The following ANKRD44 variants were observed in gnomAD, a reference collection of about 807,000 sequenced individuals.
ANKRD44 encodes the protein serine/threonine-protein phosphatase 6 regulatory ankyrin repeat subunit B.
A neutral mutation model predicts 116.0 loss-of-function variants in ANKRD44; 35 were observed. The ratio of observed to expected loss-of-function variants is 0.30; its 90% CI spans 0.23 to 0.40. The LOEUF is 0.40. ANKRD44 is among the 10% of genes least tolerant of loss of function. The pLI is 1.00. For missense variants in ANKRD44, 1,014 were observed against 1,242.6 expected (o/e 0.82, Z 2.77); for synonymous variants, 435 against 461.8 (o/e 0.94, Z 0.74).
chr2:197,038,404 C>G (rs1259495682), intron 16 of ANKRD44, among the ~76,000 whole-genome samples: 1 of 152,124 alleles, frequency 6.6e-6, no homozygotes, highest in Non-Finnish European at 1.5e-5. Context: ...AATAAACAAA[C>G]CTGACCTTTC....
At position 197,122,493 on chromosome 2, in the gene ANKRD44, C is replaced by A. The variant is rs550062467; in HGVS notation, c.693+157G>T. 1.3e-4 allele frequency among the ~76,000 whole-genome samples: 20 copies of A among 152,314 alleles called. No homozygotes were observed. The South Asian group carries it at 4.1e-3, about 32-fold the overall frequency. On this transcript the variant is annotated intron_variant, in intron 7 of 27. Transcript: ENST00000282272. ...TTCCTCTGCTTAGTGTATGCCCCCA[C>A]TGCCCTTCATCAGTTGCCCACAAAA...
chr2:197,300,375 A>C (rs138705879), intron 1 of ANKRD44, among the ~76,000 whole-genome samples: 167 of 152,300 alleles, frequency 1.1e-3, no homozygotes, highest in African/African-American at 3.8e-3. Context: ...TGCTGCCTGA[A>C]TCATTCCCTT....
In ANKRD44 at chr2:197,059,124, G is replaced by A. The variant is rs550303553; in HGVS notation, c.1650+19579C>T. Among the ~76,000 whole-genome samples, 4 of 152,210 alleles carry A rather than the reference G, an allele frequency of 2.6e-5. No homozygotes were observed. The East Asian group carries it at 5.8e-4, about 22-fold the overall frequency. The stretch of plus-strand genomic sequence containing the variant: ...GCTCAAGGTAAAATTTATTTGCCTA[G>A]GGCCAGAGAGAGTAGAGGGGTAGGG... On this transcript the variant is annotated intron_variant, in intron 16 of 27. Transcript: ENST00000282272.
chr2:197,158,151 A>T (rs1274175842), intron 2 of ANKRD44, among the ~76,000 whole-genome samples: 1 of 152,202 alleles, frequency 6.6e-6, no homozygotes, highest in Non-Finnish European at 1.5e-5. Context: ...CAAGATAATC[A>T]TCAGGAGCTT....
At chr2:197,120,450 G>A (rs2078825591) in intron 8 of ANKRD44, among the ~76,000 whole-genome samples, 1 of 152,258 alleles carries the variant, frequency 6.6e-6, no homozygotes, top group East Asian at 1.9e-4. Flanking sequence ...AAGAGTTTGA[G>A]ACCAGCCTGG....
At position 197,196,598 on chromosome 2, in the gene ANKRD44, T is replaced by A. The variant is rs148227579; in HGVS notation, c.28-9492A>T. ...CAGCATGTAGAAATGAAAGGTACTC[T>A]CAGAAAGGTGGCAATCTCCTGCTAC... On this transcript the variant is annotated intron_variant, in intron 1 of 27. Coordinates refer to ENST00000282272, the MANE Select transcript of ANKRD44 (RefSeq NM_001195144.2). 2.0e-3 allele frequency among the ~76,000 whole-genome samples: 298 copies of A among 152,294 alleles called. 2 individuals carry two copies. The highest frequency in any genetic ancestry group is 6.8e-3 in the African/African-American group (284 of 41,558).
intron 10 of ANKRD44, among the ~76,000 whole-genome samples, chr2:197,095,121 A>G (rs1292904148): frequency 4.6e-5 from 7 of 152,216 alleles, no homozygotes; most frequent in Non-Finnish European, 7.3e-5. Context: ...TTGGGATCTC[A>G]AGAGTTCTCT....
chr2:197,130,734 TATA>T (rs2079076154), intron 4 of ANKRD44, among the ~76,000 whole-genome samples: 1 of 152,216 alleles, frequency 6.6e-6, no homozygotes, highest in African/African-American at 2.4e-5. Flanking sequence ...TACTCTTCCA[TATA>T]ATGTTTCCAA....
intron 11 of ANKRD44, among the ~76,000 whole-genome samples, 194 bp downstream of exon 11, chr2:197,089,756 T>C (rs1295068103): frequency 6.6e-6 from 1 of 152,216 alleles, no homozygotes; most frequent in Non-Finnish European, 1.5e-5. Context: ...GCAGGAATAA[T>C]GACATTCAAA....
chr2:197,148,135 A>T (rs919628561), intron 2 of ANKRD44, among the ~76,000 whole-genome samples: 1 of 152,184 alleles, frequency 6.6e-6, no homozygotes, highest in African/African-American at 2.4e-5. Flanking sequence ...AAGATCATAT[A>T]AGTAAATAAA....
At chr2:197,079,094 C>A (rs768852897) in intron 15 of ANKRD44, among the ~76,000 whole-genome samples, 1 of 151,504 alleles carries the variant, frequency 6.6e-6, no homozygotes, top group South Asian at 2.1e-4. Flanking sequence ...ATTTTTTTCT[C>A]CTCATCTTCA....
intron 4 of ANKRD44, among the ~76,000 whole-genome samples, chr2:197,129,425 G>A (rs183994668): frequency 1.3e-5 from 2 of 152,274 alleles, no homozygotes; most frequent in African/African-American, 4.8e-5. Context: ...ATGAGCCACC[G>A]CGCCTGGACC....
chr2:197,023,633 T>C (rs2076538644), intron 17 of ANKRD44, among the ~76,000 whole-genome samples: 1 of 152,106 alleles, frequency 6.6e-6, no homozygotes, highest in South Asian at 2.1e-4. Flanking sequence ...TCTTCTCAGA[T>C]TAGTAGCAGG....
chr2:197,010,431 G>A (rs913952246), intron 18 of ANKRD44, among the ~76,000 whole-genome samples: 3 of 152,104 alleles, frequency 2.0e-5, no homozygotes, highest in Non-Finnish European at 4.4e-5. Context: ...CTCGCCCAGC[G>A]GACCGAGTGG....
intron 16 of ANKRD44, among the ~76,000 whole-genome samples, chr2:197,053,696 T>C (rs915464222): frequency 2.0e-5 from 3 of 152,224 alleles, no homozygotes; most frequent in Non-Finnish European, 4.4e-5. Flanking sequence ...TTGGCCAGGC[T>C]GGTCATGAAC....
chr2:196,995,462 C>A lies in ANKRD44; in HGVS notation c.2749-1G>T. On this transcript the variant is annotated splice_acceptor_variant, in intron 25 of 27. Coordinates refer to ENST00000282272, the MANE Select transcript of ANKRD44 (RefSeq NM_001195144.2). LOFTEE classifies it high-confidence loss of function. ...TTAACAAGGCACATTTTTCATGACC[C>A]TAATAAAGAAAAAGAATGATAAGAA... 2 of 1,592,354 alleles carry A rather than the reference C, an allele frequency of 1.3e-6. No individual in the cohort carries two copies. Among genetic ancestry groups the A allele is most frequent in the Admixed American group, 1.7e-5 (1 of 57,652 alleles).
chr2:197,017,649 A>G (rs1021009284), intron 17 of ANKRD44, among the ~76,000 whole-genome samples: 2 of 152,232 alleles, frequency 1.3e-5, no homozygotes, highest in Admixed American at 6.5e-5. Context: ...TTGTATGTCC[A>G]GCTGCCTATT....
At chr2:197,103,345 T>C (rs552120597) in intron 9 of ANKRD44, among the ~76,000 whole-genome samples, 1 of 152,226 alleles carries the variant, frequency 6.6e-6, no homozygotes, top group Non-Finnish European at 1.5e-5. Flanking sequence ...ACATGTTTTC[T>C]ATACGTGAAA....
chr2:197,187,251 C>A, intron 1 of ANKRD44, 145 bp from the exon 2 acceptor site: 3 of 724,850 alleles, frequency 4.1e-6, no homozygotes, highest in South Asian at 3.4e-5. Flanking sequence ...TCAGACCAAC[C>A]CTTACAAGAA....
Sources: gnomAD v4.1 joint callset for allele counts (sites outside exome capture counted in the v4.1 genomes callset) on GRCh38, gnomAD v4.1.1 for gene constraint, MANE v1.5 for transcripts, NCBI Gene and HGNC (gene_info 2026-07-23, HGNC 2026-07-21) for gene names.